Variants in PRKCA observed in about 807,000 individuals in gnomAD.
PRKCA encodes the protein protein kinase C alpha type.
PRKCA carries 27 observed loss-of-function variants against 87.0 expected under a neutral mutation model. The ratio of observed to expected loss-of-function variants is 0.31; its 90% CI spans 0.23 to 0.43. The LOEUF is 0.43. Among genes scored for constraint, PRKCA ranks in the 20% least tolerant of loss-of-function variants. The pLI is 1.00. For missense variants in PRKCA, 518 were observed against 852.3 expected, an observed-to-expected ratio of 0.61 and a Z score of 4.88; for synonymous variants, 329 against 311.1, an observed-to-expected ratio of 1.06 and a Z score of -0.61.
intron 3 of PRKCA, among the ~76,000 whole-genome samples, chr17:66,528,381 T>C (rs543705869): frequency 6.6e-6 from 1 of 152,218 alleles, no homozygotes; most frequent in African/African-American, 2.4e-5. Flanking sequence ...TTTTCCTACA[T>C]GGAAAAGAGC....
chr17:66,564,085 T>C (rs1968813195), intron 3 of PRKCA, among the ~76,000 whole-genome samples: 1 of 151,678 alleles, frequency 6.6e-6, no homozygotes, highest in South Asian at 2.1e-4. Context: ...TTTCTTTCTC[T>C]TTCTTTCTTT....
intron 2 of PRKCA, among the ~76,000 whole-genome samples, chr17:66,485,939 A>G (rs1277844187): frequency 6.6e-6 from 1 of 152,152 alleles, no homozygotes; most frequent in African/African-American, 2.4e-5. Flanking sequence ...CTTGTATAGA[A>G]CGTGTTGCAA....
rs1217590605 is a variant in PRKCA at position 66,789,640 on chromosome 17, GGGTACTATGGTC to G, written c.1854+662_1854+673del. Among the ~76,000 whole-genome samples the G allele has an allele frequency of 3.9e-5, 6 of 152,294 alleles. No individual in the cohort carries two copies. In the East Asian group the frequency reaches 9.6e-4, roughly 24 times the overall value. ...AATCATCCCAGCAGCCCTGTGAGAT[GGGTACTATGGTC>G]CCCAGTTTGCAGTGGAGGAAACAGT... is the stretch of plus-strand genomic sequence containing the variant. On this transcript the variant is annotated intron_variant, in intron 16 of 16. Coordinates refer to ENST00000413366, the MANE Select transcript of PRKCA (RefSeq NM_002737.3).
At chr17:66,401,078 G>A (rs974108354) in intron 2 of PRKCA, among the ~76,000 whole-genome samples, 1 of 152,284 alleles carries the variant, frequency 6.6e-6, no homozygotes. Flanking sequence ...CTACTGTGTG[G>A]CAGTTGAGAA....
At chr17:66,622,232 G>T (rs1246858775) in intron 3 of PRKCA, among the ~76,000 whole-genome samples, 6 of 152,196 alleles carry the variant, frequency 3.9e-5, no homozygotes, top group African/African-American at 9.6e-5. Context: ...ATAATAACCA[G>T]CAGCCTTCCT....
intron 2 of PRKCA, among the ~76,000 whole-genome samples, chr17:66,408,937 A>G (rs1911585828): frequency 6.7e-6 from 1 of 148,350 alleles, no homozygotes; most frequent in African/African-American, 2.5e-5. Flanking sequence ...CTGTAATCCC[A>G]GCTACTTAGG....
intron 3 of PRKCA, among the ~76,000 whole-genome samples, chr17:66,606,390 C>T (rs537257255): frequency 6.6e-5 from 10 of 151,466 alleles, no homozygotes; most frequent in Admixed American, 3.9e-4. Flanking sequence ...GACTCCGTCT[C>T]AAAAAAAATA....
chr17:66,778,860 A>C (rs986284489), intron 14 of PRKCA, among the ~76,000 whole-genome samples: 10 of 152,028 alleles, frequency 6.6e-5, no homozygotes, highest in African/African-American at 1.2e-4. Context: ...AAAAAAAAAA[A>C]AACAACAACT....
intron 2 of PRKCA, among the ~76,000 whole-genome samples, chr17:66,454,724 A>G (rs1335466713): frequency 1.3e-5 from 2 of 152,230 alleles, no homozygotes; most frequent in African/African-American, 2.4e-5. Flanking sequence ...CCATGATTCA[A>G]TTAATAACTC....
intron 2 of PRKCA, among the ~76,000 whole-genome samples, chr17:66,384,589 T>C (rs1909945862): frequency 6.6e-6 from 1 of 152,210 alleles, no homozygotes. Flanking sequence ...AATATTTGCA[T>C]TTGACAATGA....
At chr17:66,320,549 G>A (rs1168936523) in intron 2 of PRKCA, among the ~76,000 whole-genome samples, 1 of 152,010 alleles carries the variant, frequency 6.6e-6, no homozygotes, top group Non-Finnish European at 1.5e-5. Flanking sequence ...ATAATTTATA[G>A]GTGAACAGTC....
intron 2 of PRKCA, among the ~76,000 whole-genome samples, chr17:66,392,254 G>T (rs1178537330): frequency 1.3e-5 from 2 of 151,702 alleles, no homozygotes; most frequent in African/African-American, 4.8e-5. Context: ...AAAAAATGTG[G>T]TTACAGAGGA....
chr17:66,723,955 G>T (rs1388646776), intron 8 of PRKCA, among the ~76,000 whole-genome samples: 4 of 152,140 alleles, frequency 2.6e-5, no homozygotes, highest in Non-Finnish European at 5.9e-5. Context: ...GACTGTGGAC[G>T]GTGGAAAGGG....
intron 14 of PRKCA, among the ~76,000 whole-genome samples, chr17:66,776,195 T>C (rs982422026): frequency 1.3e-5 from 2 of 152,226 alleles, no homozygotes; most frequent in African/African-American, 4.8e-5. Flanking sequence ...GATCCTGTTG[T>C]TAGCAGTGGT....
In PRKCA at chr17:66,788,910, C is replaced by T; in HGVS notation, c.1785C>T (p.Ala595=). The T allele has an allele frequency of 6.2e-7, 1 of 1,614,122 alleles. No individual in the cohort carries two copies. Among genetic ancestry groups the T allele is most frequent in the East Asian group, 2.2e-5 (1 of 44,880 alleles). The change falls in exon 16 of 17, where the codon GCC becomes GCT. Residue 595 remains alanine, a synonymous_variant. Transcript: ENST00000413366. ...PEGERDVREH[A]FFRRIDWEKL... is the part of the protein sequence containing the mutation. The stretch of plus-strand genomic sequence containing the variant: ...GGGAGAGGGACGTGAGAGAGCATGC[C>T]TTCTTCCGGAGGATCGACTGGGAAA...
chr17:66,693,644 A>C (rs1329443957), intron 8 of PRKCA, among the ~76,000 whole-genome samples: 1 of 152,158 alleles, frequency 6.6e-6, no homozygotes, highest in Non-Finnish European at 1.5e-5. Flanking sequence ...AGTTGGGAAA[A>C]GGTCCACCTT....
chr17:66,659,675 G>A (rs1305999938), intron 5 of PRKCA, among the ~76,000 whole-genome samples: 2 of 149,700 alleles, frequency 1.3e-5, no homozygotes, highest in African/African-American at 2.5e-5. Flanking sequence ...CCTGAGCCCA[G>A]GAGTTTGAGG....
chr17:66,587,891 G>GTA (rs1406148799), intron 3 of PRKCA, among the ~76,000 whole-genome samples: 2,013 of 86,930 alleles, frequency 0.023, 302 homozygotes, highest in South Asian at 0.028. Flanking sequence ...GTGTGTGTGT[G>GTA]TGTGTATATA....
chr17:66,316,734 C>T (rs1905335398), intron 2 of PRKCA, among the ~76,000 whole-genome samples: 1 of 151,980 alleles, frequency 6.6e-6, no homozygotes, highest in Non-Finnish European at 1.5e-5. Flanking sequence ...TATATAGCAT[C>T]ATGTTGGGAG....
Sources: allele counts gnomAD v4.1 joint callset (sites outside exome capture counted in the v4.1 genomes callset), GRCh38; gene constraint gnomAD v4.1.1; transcripts MANE v1.5; gene names NCBI Gene and HGNC (gene_info 2026-07-23, HGNC 2026-07-21).